Variants in CNTNAP5 observed in about 807,000 individuals in gnomAD.
The protein encoded by CNTNAP5 is contactin associated protein family member 5.
A neutral mutation model predicts 150.2 loss-of-function variants in CNTNAP5; 72 were observed. The observed-to-expected ratio is 0.48, with a 90% confidence interval of 0.40 to 0.58. The LOEUF is 0.58. CNTNAP5 is among the 20% of genes least tolerant of loss of function. The probability of loss-of-function intolerance (pLI) is 0.00; values close to 1 mark genes in which losing one functional copy is unlikely to be tolerated. For missense variants in CNTNAP5, 1,636 were observed against 1,626.2 expected (o/e 1.01, Z -0.10); for synonymous variants, 672 against 619.8 (o/e 1.08, Z -1.25).
chr2:124,753,768 T>G (rs572905342), intron 14 of CNTNAP5, among the ~76,000 whole-genome samples: 2 of 152,314 alleles, frequency 1.3e-5, no homozygotes, highest in African/African-American at 4.8e-5. Context: ...TCAGGTAGCT[T>G]GATTTAGCCA....
chr2:124,772,207 G>A (rs1319519211), intron 16 of CNTNAP5, among the ~76,000 whole-genome samples: 1 of 152,132 alleles, frequency 6.6e-6, no homozygotes, highest in Non-Finnish European at 1.5e-5. Context: ...ATTATACAAA[G>A]ATTGTTATAG....
At chr2:124,500,009 G>A (rs528905041) in intron 7 of CNTNAP5, among the ~76,000 whole-genome samples, 7 of 152,070 alleles carry the variant, frequency 4.6e-5, no homozygotes, top group East Asian at 3.9e-4. Flanking sequence ...CAGCCTGAAC[G>A]CTGGAGAAGA....
intron 7 of CNTNAP5, among the ~76,000 whole-genome samples, chr2:124,479,005 G>T (rs1368282271): frequency 2.6e-5 from 4 of 152,154 alleles, no homozygotes; most frequent in African/African-American, 9.7e-5. Flanking sequence ...AGACTTAACA[G>T]CTGTTCCATA....
intron 2 of CNTNAP5, among the ~76,000 whole-genome samples, chr2:124,235,416 C>T (rs1408343092): frequency 6.6e-6 from 1 of 152,046 alleles, no homozygotes; most frequent in African/African-American, 2.4e-5. Context: ...TAAGCTTCTC[C>T]TCTCGGTGTT....
intron 9 of CNTNAP5, among the ~76,000 whole-genome samples, 169 bp from the exon 10 acceptor site, chr2:124,527,116 A>G (rs1007522022): frequency 4.0e-4 from 61 of 152,112 alleles, no homozygotes; most frequent in African/African-American, 1.4e-3. Context: ...TTTTGTACCA[A>G]TTCTGTCCCC....
chr2:124,780,638 C>A (rs1425780757), intron 17 of CNTNAP5, among the ~76,000 whole-genome samples: 1 of 152,168 alleles, frequency 6.6e-6, no homozygotes, highest in Non-Finnish European at 1.5e-5. Flanking sequence ...TATTATTTTC[C>A]CCCTGATCTG....
intron 3 of CNTNAP5, among the ~76,000 whole-genome samples, chr2:124,358,476 C>A (rs1322825955): frequency 2.6e-5 from 4 of 152,116 alleles, no homozygotes; most frequent in African/African-American, 9.7e-5. Context: ...GTAATATGTC[C>A]CATCAATACC....
intron 2 of CNTNAP5, among the ~76,000 whole-genome samples, chr2:124,225,459 T>C (rs905546494): frequency 1.3e-5 from 2 of 152,176 alleles, no homozygotes; most frequent in Non-Finnish European, 2.9e-5. Context: ...TTTTTATTAG[T>C]TCACTTACTT....
At chr2:124,077,588 A>G (rs188130131) in intron 1 of CNTNAP5, among the ~76,000 whole-genome samples, 1 of 152,264 alleles carries the variant, frequency 6.6e-6, no homozygotes, top group African/African-American at 2.4e-5. Context: ...AAGCCTAACC[A>G]TTTGTCACAC....
chr2:124,664,514 C>T (rs1005391989), intron 13 of CNTNAP5, among the ~76,000 whole-genome samples: 5 of 152,170 alleles, frequency 3.3e-5, no homozygotes, highest in Non-Finnish European at 5.9e-5. Context: ...TCCCAGCACC[C>T]GGAGTGATAG....
chr2:124,045,978 G>A (rs962329701), intron 1 of CNTNAP5, among the ~76,000 whole-genome samples: 2 of 152,118 alleles, frequency 1.3e-5, no homozygotes, highest in African/African-American at 4.8e-5. Context: ...TTGGATAAAG[G>A]TATTTATATT....
chr2:124,703,381 A>T (rs1316639290), intron 13 of CNTNAP5, among the ~76,000 whole-genome samples: 2 of 152,220 alleles, frequency 1.3e-5, no homozygotes, highest in Middle Eastern at 3.4e-3. Context: ...TAATATCTTC[A>T]TGTCATATAT....
At chr2:124,186,154 G>GC (rs2104687437) in intron 1 of CNTNAP5, among the ~76,000 whole-genome samples, 1 of 152,280 alleles carries the variant, frequency 6.6e-6, no homozygotes, top group African/African-American at 2.4e-5. Flanking sequence ...CCCAGGTGAT[G>GC]CTGATTGTGT....
intron 17 of CNTNAP5, among the ~76,000 whole-genome samples, chr2:124,788,709 T>G (rs901690165): frequency 1.3e-5 from 2 of 152,120 alleles, no homozygotes; most frequent in Non-Finnish European, 1.5e-5. Flanking sequence ...CAAGCTATTT[T>G]TCTGCCTCAG....
chr2:124,715,749 G>C (rs1229460113), intron 13 of CNTNAP5, among the ~76,000 whole-genome samples: 1 of 152,010 alleles, frequency 6.6e-6, no homozygotes, highest in East Asian at 1.9e-4. Flanking sequence ...TCTTCATCTG[G>C]GTGACAATAC....
chr2:124,712,595 G>T (rs1679829150), intron 13 of CNTNAP5, among the ~76,000 whole-genome samples: 1 of 152,132 alleles, frequency 6.6e-6, no homozygotes, highest in African/African-American at 2.4e-5. Context: ...AAAAATAACG[G>T]AAATTAATTT....
intron 1 of CNTNAP5, among the ~76,000 whole-genome samples, chr2:124,092,080 G>T (rs1305864374): frequency 6.6e-6 from 1 of 152,142 alleles, no homozygotes; most frequent in Non-Finnish European, 1.5e-5. Flanking sequence ...TATCCTTTCT[G>T]AGTACCCTTC....
At chr2:124,687,522 A>T (rs563842681) in intron 13 of CNTNAP5, among the ~76,000 whole-genome samples, 1 of 152,094 alleles carries the variant, frequency 6.6e-6, no homozygotes, top group East Asian at 1.9e-4. Context: ...TTTCACACGG[A>T]ATTACATTTT....
intron 1 of CNTNAP5, among the ~76,000 whole-genome samples, chr2:124,086,450 G>C (rs1488432894): frequency 6.6e-6 from 1 of 151,364 alleles, no homozygotes; most frequent in Non-Finnish European, 1.5e-5. Flanking sequence ...TGATCTGCCT[G>C]CCTTGGCCTC....
Sources: allele counts gnomAD v4.1 joint callset (sites outside exome capture counted in the v4.1 genomes callset), GRCh38; gene constraint gnomAD v4.1.1; transcripts MANE v1.5; gene names NCBI Gene and HGNC (gene_info 2026-07-23, HGNC 2026-07-21).